The following FTCDNL1 variants were observed in gnomAD, a reference collection of about 807,000 sequenced individuals.
The protein encoded by FTCDNL1 is formiminotransferase N-terminal subdomain-containing protein.
In FTCDNL1, 11 loss-of-function variants were observed where a neutral mutation model predicts 5.9. The observed-to-expected ratio is 1.87, with a 90% CI of 1.18 to 3.10. FTCDNL1 has a LOEUF of 3.10. FTCDNL1 is among the 30% of genes most tolerant of loss of function. The pLI, the probability that FTCDNL1 is intolerant of heterozygous loss-of-function variation, is 0.00. For synonymous variants in FTCDNL1, 58 were observed against 24.8 expected, an observed-to-expected ratio of 2.34 and a Z score of -3.99; for missense variants, 115 against 65.5, an observed-to-expected ratio of 1.76 and a Z score of -2.61.
At chr2:199,745,523 C>T in the FTCDNL1 span, among the ~76,000 whole-genome samples, 1 of 152,192 alleles carries the variant, frequency 6.6e-6, no homozygotes, top group South Asian at 2.1e-4. Flanking sequence ...ATAATTGTAT[C>T]TGTCTTTTCC....
At position 199,810,248 on chromosome 2, in the gene FTCDNL1, G is replaced by A. The variant is rs1016283920; in HGVS notation, c.*2457C>T. Among the ~76,000 whole-genome samples, 4 of 152,040 alleles carry A rather than the reference G, an allele frequency of 2.6e-5. No homozygotes were observed. The highest frequency in any genetic ancestry group is 7.3e-5 in the African/African-American group (3 of 41,378). On this transcript the variant is annotated 3_prime_UTR_variant, in exon 5 of 5. Transcript: ENST00000420128. Reference sequence around the variant, plus strand: ...TCTGTACCCACCACTCCCTCTCTCCGAAACAAACTCCTGTCATTATTGAAT... The same window carrying A: ...TCTGTACCCACCACTCCCTCTCTCCAAAACAAACTCCTGTCATTATTGAAT...
intron 3 of FTCDNL1, among the ~76,000 whole-genome samples, chr2:199,796,863 T>C (rs1056007248): frequency 6.6e-6 from 1 of 152,170 alleles, no homozygotes; most frequent in Non-Finnish European, 1.5e-5. Flanking sequence ...TGTGTAACCC[T>C]TTACAAAGTA....
intron 3 of FTCDNL1, among the ~76,000 whole-genome samples, chr2:199,774,055 T>TGAA: frequency 6.6e-6 from 1 of 152,352 alleles, no homozygotes; most frequent in East Asian, 1.9e-4. Flanking sequence ...TTGCAATGTT[T>TGAA]TGTAATACAT....
chr2:199,776,671 G>C (rs923479724), intron 3 of FTCDNL1, among the ~76,000 whole-genome samples: 3 of 152,146 alleles, frequency 2.0e-5, no homozygotes, highest in Non-Finnish European at 4.4e-5. Flanking sequence ...AGGTGTGGTA[G>C]ACACTCCGTA....
chr2:199,731,191 C>T, the FTCDNL1 span, among the ~76,000 whole-genome samples: 424 of 152,024 alleles, frequency 2.8e-3, no homozygotes, highest in African/African-American at 9.8e-3. Flanking sequence ...CAGGGCCTGT[C>T]GAGGGGTTGG....
chr2:199,830,859 A>C (rs1317451253), intron 3 of FTCDNL1, among the ~76,000 whole-genome samples: 1 of 152,232 alleles, frequency 6.6e-6, no homozygotes. Flanking sequence ...GGGACTGAAA[A>C]AAATAAAATG....
chr2:199,703,782 T>C, the FTCDNL1 span, among the ~76,000 whole-genome samples: 1 of 152,190 alleles, frequency 6.6e-6, no homozygotes, highest in Non-Finnish European at 1.5e-5. Flanking sequence ...TGGAGCTTAT[T>C]AAATTATTTT....
At chr2:199,670,753 G>A in the FTCDNL1 span, among the ~76,000 whole-genome samples, 1 of 152,028 alleles carries the variant, frequency 6.6e-6, no homozygotes, top group Non-Finnish European at 1.5e-5. Context: ...GTTGAACATG[G>A]CACAAGAGAC....
intron 2 of FTCDNL1, among the ~76,000 whole-genome samples, chr2:199,847,067 T>C (rs372728727): frequency 5.9e-5 from 9 of 152,320 alleles, no homozygotes; most frequent in African/African-American, 2.2e-4. Context: ...ATTTTAATAA[T>C]GTGAGAAGAT....
At chr2:199,733,658 A>G in the FTCDNL1 span, among the ~76,000 whole-genome samples, 4 of 152,200 alleles carry the variant, frequency 2.6e-5, no homozygotes, top group Non-Finnish European at 5.9e-5. Context: ...TGCCCTTAGG[A>G]CAGTAACAAC....
intron 3 of FTCDNL1, among the ~76,000 whole-genome samples, chr2:199,778,202 T>G (rs1392837083): frequency 6.6e-6 from 1 of 152,148 alleles, no homozygotes; most frequent in Non-Finnish European, 1.5e-5. Context: ...CTGATACATA[T>G]TTAGGTCTGG....
intron 3 of FTCDNL1, among the ~76,000 whole-genome samples, chr2:199,775,977 G>C (rs548410734): frequency 1.3e-5 from 2 of 148,578 alleles, no homozygotes; most frequent in African/African-American, 5.0e-5. Flanking sequence ...GCAGTGGCGC[G>C]ATATCAGCTC....
At chr2:199,835,391 T>C (rs936403252) in intron 3 of FTCDNL1, among the ~76,000 whole-genome samples, 6 of 152,320 alleles carry the variant, frequency 3.9e-5, no homozygotes, top group African/African-American at 1.4e-4. Flanking sequence ...GTAACTTTAA[T>C]AGTCACATAA....
chr2:199,803,485 G>A (rs886220691), intron 3 of FTCDNL1, among the ~76,000 whole-genome samples: 15 of 151,992 alleles, frequency 9.9e-5, no homozygotes, highest in African/African-American at 3.6e-4. Context: ...GGTTTGGTTT[G>A]TTGAGACAGG....
In FTCDNL1 at chr2:199,848,948, T is replaced by C; in HGVS notation, c.15A>G (p.Arg5=). 1.4e-6 allele frequency: 1 copy of C among 702,034 alleles called. No individual in the cohort carries two copies. The highest frequency in any genetic ancestry group is 2.6e-6 in the Non-Finnish European group (1 of 384,702). The allele number at this position is 702,034 out of a possible 1,614,324, so 43.5% of individuals were successfully genotyped here. A position where few individuals can be genotyped will look rare whatever the true frequency, so the allele number is the denominator to read the frequency against. The stretch of plus-strand genomic sequence containing the variant: ...AACAGGCAGCCAAACGGAGCCCCAC[T>C]CTGGAAGAAGACATGATTTTTCTGG... The part of the protein sequence containing the change: MSSS[R]VGLRLAACLL... The change falls in exon 2 of 5, where the codon AGA becomes AGG. Residue 5 remains arginine, a synonymous_variant. Coordinates refer to ENST00000420128, the MANE Select transcript of FTCDNL1 (RefSeq NM_001363886.2).
intron 3 of FTCDNL1, among the ~76,000 whole-genome samples, chr2:199,785,249 C>CTGTTTTTTTTTTTTTT (rs1699576016): frequency 1.3e-5 from 1 of 76,866 alleles, no homozygotes; most frequent in Non-Finnish European, 2.2e-5. Context: ...TTCCAAATTC[C>CTGTTTTTTTTTTTTTT]TTTTTTTTTT....
chr2:199,669,240 C>T, the FTCDNL1 span, among the ~76,000 whole-genome samples: 1 of 152,170 alleles, frequency 6.6e-6, no homozygotes, highest in Admixed American at 6.5e-5. Flanking sequence ...ACTAGAAAGA[C>T]TTCAGCTGAA....
the FTCDNL1 span, among the ~76,000 whole-genome samples, chr2:199,670,871 T>G: frequency 6.6e-6 from 1 of 152,084 alleles, no homozygotes; most frequent in Non-Finnish European, 1.5e-5. Context: ...AGGGGCCCAG[T>G]CCCCTCTTCT....
In FTCDNL1 at chr2:199,812,481, G is replaced by C. The variant is rs1013191150; in HGVS notation, c.*224C>G. The C allele has an allele frequency of 2.0e-5, 9 of 440,902 alleles. No individual in the cohort carries two copies. Among genetic ancestry groups the C allele is most frequent in the African/African-American group, 1.2e-4 (6 of 49,216 alleles). 27.3% of individuals were successfully genotyped at this position (440,902 alleles called of 1,614,324 possible). A position where few individuals can be genotyped will look rare whatever the true frequency, so the allele number is the denominator to read the frequency against. On this transcript the variant is annotated 3_prime_UTR_variant, in exon 5 of 5. Transcript: ENST00000420128. Reference sequence around the variant, plus strand: ...CCTACTAAGAAGGTATTTTAAATGAGAGAGATAATTAATCCCAGCAAATCG... The same window carrying C: ...CCTACTAAGAAGGTATTTTAAATGACAGAGATAATTAATCCCAGCAAATCG...
Sources: allele counts gnomAD v4.1 joint callset (sites outside exome capture counted in the v4.1 genomes callset), GRCh38; gene constraint gnomAD v4.1.1; transcripts MANE v1.5; gene names NCBI Gene and HGNC (gene_info 2026-07-23, HGNC 2026-07-21).